Variants in CLNK observed in about 807,000 individuals in gnomAD.
The protein encoded by CLNK is cytokine dependent hematopoietic cell linker, also known as cytokine-dependent hematopoietic cell linker.
A neutral mutation model predicts 68.6 loss-of-function variants in CLNK; 74 were observed. That is an observed-to-expected ratio of 1.08 (90% confidence interval 0.89 to 1.31). The LOEUF (loss-of-function observed/expected upper bound fraction) is 1.31. Among genes scored for constraint, CLNK ranks in the 50% most tolerant of loss-of-function variants. The probability of loss-of-function intolerance (pLI) is 0.00; values close to 1 mark genes in which losing one functional copy is unlikely to be tolerated. For synonymous variants in CLNK, 198 were observed against 172.2 expected (o/e 1.15, Z -1.17); for missense variants, 553 against 515.3 (o/e 1.07, Z -0.71).
At position 10,486,438 on chromosome 4, in the gene CLNK, T is replaced by A. The variant is rs1716355781; in HGVS notation, c.*4029A>T. On this transcript the variant is annotated 3_prime_UTR_variant, in exon 19 of 19. Transcript: ENST00000226951. ...TTACTTTTATTTACATTAGTAAGGCTGTAAATTATGAATGTAAATGTGCTT... is the reference window on the plus strand; with the variant it reads ...TTACTTTTATTTACATTAGTAAGGCAGTAAATTATGAATGTAAATGTGCTT... The A allele has an allele frequency of 6.6e-6, 1 of 152,234 alleles. No individual in the cohort carries two copies. The highest frequency in any genetic ancestry group is 1.5e-5 in the Non-Finnish European group (1 of 68,048). The allele number at this position is 152,234 out of a possible 1,614,324, so 9.4% of individuals were successfully genotyped here.
the CLNK span, among the ~76,000 whole-genome samples, chr4:10,706,611 T>C: frequency 1.3e-5 from 2 of 152,270 alleles, no homozygotes; most frequent in African/African-American, 4.8e-5. Context: ...CTCCTATGGG[T>C]GTCCTGAGCT....
rs1320653929 is a variant in CLNK, at chr4:10,584,931, G to A, written c.108C>T (p.Ala36=). Residue 36 remains alanine, a synonymous_variant, in exon 4 of 19, where the codon GCC becomes GCT. Transcript: ENST00000226951. ...TGACAGAGAGCCCCGACTCACCTGT[G>A]GCACTATTGATGCGAGGCCATGACC... ...KNRSWPRINS[A]TGQYQRMNKP... is the part of the protein sequence containing the mutation. The A allele has an allele frequency of 1.2e-6, 2 of 1,613,710 alleles. No homozygotes were observed. Among genetic ancestry groups the A allele is most frequent in the Non-Finnish European group, 8.5e-7 (1 of 1,179,804 alleles).
chr4:10,689,841 G>A, the CLNK span, among the ~76,000 whole-genome samples: 3,189 of 141,674 alleles, frequency 0.023, 125 homozygotes, highest in African/African-American at 0.078. Flanking sequence ...TGTTTACATT[G>A]GTGCCTTGGG....
At chr4:10,673,148 T>C (rs17268650) in intron 1 of CLNK, among the ~76,000 whole-genome samples, 27,606 of 152,164 alleles carry the variant, frequency 0.18, 2,621 homozygotes, top group South Asian at 0.22. Flanking sequence ...GCTCTTGCAA[T>C]TGTACAGGGT....
intron 1 of CLNK, among the ~76,000 whole-genome samples, chr4:10,670,674 G>C (rs1425691888): frequency 6.6e-6 from 1 of 151,770 alleles, no homozygotes; most frequent in African/African-American, 2.4e-5. Flanking sequence ...AGGCCAAATA[G>C]GTCTTTTTCA....
chr4:10,535,124 G>A (rs964298717), intron 11 of CLNK, among the ~76,000 whole-genome samples: 21 of 151,674 alleles, frequency 1.4e-4, no homozygotes, highest in Admixed American at 1.3e-4. Context: ...TAAGGCGGGC[G>A]GACTGCCTGA....
intron 1 of CLNK, among the ~76,000 whole-genome samples, chr4:10,680,486 G>A (rs1725056152): frequency 6.6e-6 from 1 of 151,918 alleles, no homozygotes; most frequent in Non-Finnish European, 1.5e-5. Context: ...CCTGCACGTT[G>A]TGCACATGTA....
intron 15 of CLNK, among the ~76,000 whole-genome samples, chr4:10,514,847 G>A (rs2191005): frequency 0.98 from 148,519 of 152,116 alleles, 72,539 homozygotes; most frequent in East Asian, 1. Context: ...TTCGCAACCT[G>A]CTACTCATCT....
intron 15 of CLNK, 44 bp from the exon 16 acceptor site, chr4:10,513,641 T>C (rs1717703292): frequency 6.4e-7 from 1 of 1,551,724 alleles, no homozygotes; most frequent in Non-Finnish European, 8.7e-7. Context: ...TTGTGACTGG[T>C]GCAGTCTGTC....
intron 3 of CLNK, among the ~76,000 whole-genome samples, chr4:10,587,584 A>T (rs1217270709): frequency 6.6e-6 from 1 of 152,178 alleles, no homozygotes; most frequent in African/African-American, 2.4e-5. Context: ...AAGCAGTAAG[A>T]TGTTTGTAAC....
chr4:10,662,355 T>C (rs1298970925), intron 2 of CLNK, among the ~76,000 whole-genome samples: 1 of 152,202 alleles, frequency 6.6e-6, no homozygotes. Flanking sequence ...ATTCAGAATA[T>C]GGTGGATTTT....
chr4:10,705,833 A>G, the CLNK span, among the ~76,000 whole-genome samples: 1 of 152,212 alleles, frequency 6.6e-6, no homozygotes, highest in African/African-American at 2.4e-5. Flanking sequence ...TCTGCCTTCC[A>G]CAGGCACTAC....
chr4:10,530,758 C>T (rs1308892143), intron 12 of CLNK, among the ~76,000 whole-genome samples: 2 of 152,112 alleles, frequency 1.3e-5, no homozygotes, highest in African/African-American at 2.4e-5. Context: ...CCAGGCCTAG[C>T]TTACAGGAAG....
At chr4:10,721,296 G>A in the CLNK span, among the ~76,000 whole-genome samples, 3 of 152,046 alleles carry the variant, frequency 2.0e-5, no homozygotes, top group Non-Finnish European at 4.4e-5. Flanking sequence ...TGGTGATATC[G>A]TATAATAGTT....
intron 2 of CLNK, among the ~76,000 whole-genome samples, chr4:10,606,171 A>C (rs1366054173): frequency 6.6e-6 from 1 of 152,244 alleles, no homozygotes; most frequent in Non-Finnish European, 1.5e-5. Context: ...CTTATTCTGT[A>C]AACATTTAAT....
At chr4:10,718,684 CA>C in the CLNK span, among the ~76,000 whole-genome samples, 1 of 150,156 alleles carries the variant, frequency 6.7e-6, no homozygotes, top group Non-Finnish European at 1.5e-5. Flanking sequence ...AACAAAACAA[CA>C]AAAAAAATAT....
At chr4:10,593,830 G>A (rs1239402747) in intron 3 of CLNK, among the ~76,000 whole-genome samples, 1 of 152,214 alleles carries the variant, frequency 6.6e-6, no homozygotes, top group Non-Finnish European at 1.5e-5. Flanking sequence ...AGCCAATGAG[G>A]TGACGAATGG....
chr4:10,488,344 C>T lies in CLNK; in HGVS notation c.*2123G>A, dbSNP rs1432311159. The T allele has an allele frequency of 6.6e-6, 1 of 152,184 alleles. No individual in the cohort carries two copies. Among genetic ancestry groups the T allele is most frequent in the Non-Finnish European group, 1.5e-5 (1 of 68,026 alleles). 9.4% of individuals were successfully genotyped at this position (152,184 alleles called of 1,614,324 possible). On this transcript the variant is annotated 3_prime_UTR_variant, in exon 19 of 19. Transcript: ENST00000226951. ...AACATAGCATTGAATGGCATGGCCT[C>T]AATGAATCAGTGAGTTGGAGGTATC...
intron 17 of CLNK, among the ~76,000 whole-genome samples, chr4:10,501,635 C>A (rs1411532088): frequency 1.3e-5 from 2 of 152,130 alleles, no homozygotes; most frequent in African/African-American, 4.8e-5. Context: ...TCTTGAAAGT[C>A]TTTCATTGAG....
Sources: gnomAD v4.1 joint callset for allele counts (sites outside exome capture counted in the v4.1 genomes callset) on GRCh38, gnomAD v4.1.1 for gene constraint, MANE v1.5 for transcripts, NCBI Gene and HGNC (gene_info 2026-07-23, HGNC 2026-07-21) for gene names.